RFX2: variants seen among roughly 807,000 people sequenced by gnomAD.
RFX2 encodes regulatory factor X2, also known as DNA-binding protein RFX2.
Under a neutral mutation model 87.8 loss-of-function variants are expected in RFX2, and 20 were observed. The observed-to-expected ratio is 0.23, with a 90% CI of 0.16 to 0.33. The LOEUF (loss-of-function observed/expected upper bound fraction) is 0.33, where lower values mean the gene tolerates loss of function less well. Among genes scored for constraint, RFX2 ranks in the 10% least tolerant of loss-of-function variants. The pLI, the probability that RFX2 is intolerant of heterozygous loss-of-function variation, is 1.00. For missense variants in RFX2, 767 were observed against 1,012.3 expected, an observed-to-expected ratio of 0.76 and a Z score of 3.29; for synonymous variants, 397 against 431.3, an observed-to-expected ratio of 0.92 and a Z score of 0.98.
intron 5 of RFX2, among the ~76,000 whole-genome samples, chr19:6,028,447 T>C (rs921563920): frequency 4.6e-5 from 7 of 152,228 alleles, no homozygotes; most frequent in Non-Finnish European, 7.3e-5. Flanking sequence ...CTTGATACTA[T>C]AGCAACACTT....
chr19:6,058,085 C>T (rs752826272), intron 1 of RFX2, among the ~76,000 whole-genome samples: 4 of 152,200 alleles, frequency 2.6e-5, no homozygotes, highest in Non-Finnish European at 4.4e-5. Flanking sequence ...GTTCTCAGTG[C>T]CAAGAGTTAT....
At position 6,040,099 on chromosome 19, in the gene RFX2, T is replaced by C. The variant is rs2087086217; in HGVS notation, c.403A>G (p.Ile135Val). 3.7e-6 allele frequency: 6 copies of C among 1,611,818 alleles called. No homozygotes were observed. In the African/African-American group the frequency reaches 5.3e-5, roughly 14 times the overall value. The change falls in exon 5 of 18, where the codon ATC becomes GTC. Residue 135 changes from isoleucine to valine, a missense_variant. Physicochemically the swap from Ile to Val is conservative, Grantham distance 29 (BLOSUM62 3). Transcript: ENST00000303657. The surrounding 1 kb of genome is among the most constrained non-coding windows in gnomAD (Gnocchi z 6.1). ...GGGCTCCCCCCGACATCCATGGTGA[T>C]GCCCACCATGCTGTGGGAGGGGACC... ...PAVPSHSMVG[I>V]TMDVGGSPIV...
Position 5,997,308 on chromosome 19 carries a change from A to G in RFX2, c.1860-95T>C. The stretch of plus-strand genomic sequence containing the variant: ...ATGGCAGCAACACACCCCCTGCTCT[A>G]CGTTCCCTGGGGAACCCAGAGGCTG... On this transcript the variant is annotated intron_variant, in intron 15 of 17. Coordinates refer to ENST00000303657, the MANE Select transcript of RFX2 (RefSeq NM_000635.4). This position sits in a 1 kb window ranked among gnomAD's most constrained non-coding sequence, Gnocchi z 4.2. The G allele has an allele frequency of 7.4e-7, 1 of 1,348,676 alleles. No individual in the cohort carries two copies. Among genetic ancestry groups the G allele is most frequent in the Non-Finnish European group, 9.9e-7 (1 of 1,012,832 alleles). The allele number at this position is 1,348,676 out of a possible 1,614,324, so 83.5% of individuals were successfully genotyped here. A position where few individuals can be genotyped will look rare whatever the true frequency, so the allele number is the denominator to read the frequency against.
intron 5 of RFX2, among the ~76,000 whole-genome samples, chr19:6,028,389 A>G (rs956036267): frequency 1.3e-5 from 2 of 152,224 alleles, no homozygotes; most frequent in African/African-American, 4.8e-5. Context: ...ATAGTTGGAA[A>G]AGGAGCACTG....
At chr19:6,036,447 G>C (rs2087025191) in intron 5 of RFX2, among the ~76,000 whole-genome samples, 1 of 152,044 alleles carries the variant, frequency 6.6e-6, no homozygotes, top group Admixed American at 6.6e-5. Flanking sequence ...AAGATTCATG[G>C]GGCCTCTCTG....
intron 1 of RFX2, among the ~76,000 whole-genome samples, chr19:6,102,938 C>A (rs2088149859): frequency 6.6e-6 from 1 of 152,102 alleles, no homozygotes; most frequent in Admixed American, 6.5e-5. Flanking sequence ...TGCACTCCAG[C>A]CTGGACAAGA....
At chr19:6,030,744 T>C (rs1036204180) in intron 5 of RFX2, among the ~76,000 whole-genome samples, 1 of 152,238 alleles carries the variant, frequency 6.6e-6, no homozygotes, top group African/African-American at 2.4e-5. Context: ...GTGAATTTTA[T>C]GTTACATACA....
chr19:6,050,477 T>C lies in RFX2; in HGVS notation c.-8-2973A>G, dbSNP rs989464062. Among the ~76,000 whole-genome samples the C allele has an allele frequency of 3.9e-5, 6 of 152,268 alleles. No homozygotes were observed. Among genetic ancestry groups the C allele is most frequent in the Non-Finnish European group, 7.4e-5 (5 of 68,022 alleles). On this transcript the variant is annotated intron_variant, in intron 1 of 17. Coordinates refer to ENST00000303657, the MANE Select transcript of RFX2 (RefSeq NM_000635.4). This position sits in a 1 kb window ranked among gnomAD's most constrained non-coding sequence, Gnocchi z 4.6. Reference sequence around the variant, plus strand: ...AAGAACTTAAAGGAAGTTATATACATAATGAATGAACATATGGGAATCTCA... The same window carrying C: ...AAGAACTTAAAGGAAGTTATATACACAATGAATGAACATATGGGAATCTCA...
chr19:6,036,716 G>A (rs2087030523), intron 5 of RFX2, among the ~76,000 whole-genome samples: 1 of 152,096 alleles, frequency 6.6e-6, no homozygotes, highest in South Asian at 2.1e-4. Context: ...CAGAAAACTA[G>A]AAAAAGAAGG....
chr19:6,022,598 T>C lies in RFX2; in HGVS notation c.597+3565A>G, dbSNP rs2086830974. On this transcript the variant is annotated intron_variant, in intron 6 of 17. Transcript: ENST00000303657. This position sits in a 1 kb window ranked among gnomAD's most constrained non-coding sequence, Gnocchi z 6.2. ...CAAGTCGGTGGCCTGCCACACCCGG[T>C]CGGGTGAAGACATGTTTCATCCCCA... Among the ~76,000 whole-genome samples the C allele has an allele frequency of 6.6e-6, 1 of 152,160 alleles. No individual in the cohort carries two copies. The highest frequency in any genetic ancestry group is 2.4e-5 in the African/African-American group (1 of 41,416).
At chr19:6,055,369 A>C (rs2087322246) in intron 1 of RFX2, among the ~76,000 whole-genome samples, 2 of 152,242 alleles carry the variant, frequency 1.3e-5, no homozygotes, top group Admixed American at 1.3e-4. Flanking sequence ...ATGAAGACAT[A>C]TCTCTTCAAA....
rs144059747 is a variant in RFX2, at chr19:6,020,764, G to A, written c.598-4493C>T. Among the ~76,000 whole-genome samples, 217 of 152,346 alleles carry A rather than the reference G, an allele frequency of 1.4e-3. 3 individuals carry two copies. The East Asian group carries it at 0.035, about 24-fold the overall frequency. On this transcript the variant is annotated intron_variant, in intron 6 of 17. Coordinates refer to ENST00000303657, the MANE Select transcript of RFX2 (RefSeq NM_000635.4). The surrounding 1 kb of genome is among the most constrained non-coding windows in gnomAD (Gnocchi z 5.3). ...CACCTTTCTGGTTTGGGCATGTTCT[G>A]CAGTCTGCTTTGTCTGCTGATATTT...
Position 6,021,516 on chromosome 19 carries a change from T to C in RFX2, c.597+4647A>G, listed in dbSNP as rs1477153876. 6.7e-6 allele frequency among the ~76,000 whole-genome samples: 1 copy of C among 150,374 alleles called. No homozygotes were observed. The highest frequency in any genetic ancestry group is 2.5e-5 in the African/African-American group (1 of 40,718). ...AACGGTATAGTAAGTTGAGGTGGGGTGGGGGTGTCAGGCAGGGCTCACTGA... is the reference window on the plus strand; with the variant it reads ...AACGGTATAGTAAGTTGAGGTGGGGCGGGGGTGTCAGGCAGGGCTCACTGA... On this transcript the variant is annotated intron_variant, in intron 6 of 17. Transcript: ENST00000303657. This position sits in a 1 kb window ranked among gnomAD's most constrained non-coding sequence, Gnocchi z 5.7.
intron 3 of RFX2, among the ~76,000 whole-genome samples, chr19:6,042,947 C>A (rs1040853846): frequency 6.6e-6 from 1 of 152,172 alleles, no homozygotes; most frequent in African/African-American, 2.4e-5. Flanking sequence ...TGGGCTTGTT[C>A]GGGTGTCATG....
Position 6,047,606 on chromosome 19 carries a change from A to C in RFX2, c.-8-102T>G. 1 of 931,936 alleles carries C rather than the reference A, an allele frequency of 1.1e-6. No individual in the cohort carries two copies. The highest frequency in any genetic ancestry group is 2.9e-4 in the Middle Eastern group (1 of 3,502). 57.7% of individuals were successfully genotyped at this position (931,936 alleles called of 1,614,324 possible). A position where few individuals can be genotyped will look rare whatever the true frequency, so the allele number is the denominator to read the frequency against. ...AGGGAGGGAAGGAGTAACCAGCTAC[A>C]TTCTTCAAAGTCGAAAGGCAGAGAC... On this transcript the variant is annotated intron_variant, in intron 1 of 17. Coordinates refer to ENST00000303657, the MANE Select transcript of RFX2 (RefSeq NM_000635.4). The surrounding 1 kb of genome is among the most constrained non-coding windows in gnomAD (Gnocchi z 4.2).
intron 1 of RFX2, among the ~76,000 whole-genome samples, chr19:6,096,688 C>T (rs1171410986): frequency 2.0e-5 from 3 of 152,158 alleles, no homozygotes; most frequent in East Asian, 1.9e-4. Flanking sequence ...CCTCGTGATC[C>T]GCCCACCTTG....
At chr19:6,036,276 G>A (rs757864661) in intron 5 of RFX2, among the ~76,000 whole-genome samples, 1 of 152,208 alleles carries the variant, frequency 6.6e-6, no homozygotes, top group South Asian at 2.1e-4. Flanking sequence ...GAGGCACTAA[G>A]TGGCTAGGGG....
Position 5,995,487 on chromosome 19 carries a change from C to G in RFX2, c.2056+114G>C, listed in dbSNP as rs968365009. 28 of 1,097,900 alleles carry G rather than the reference C, an allele frequency of 2.6e-5. 1 individual carries two copies. The Admixed American group carries it at 3.0e-4, about 12-fold the overall frequency. 68.0% of individuals were successfully genotyped at this position (1,097,900 alleles called of 1,614,324 possible). ...TGACAGATCCCAGGGCCCTCACCCCCCAAGGGGCTGCCCGCATTTCCACCT... is the reference window on the plus strand; with the variant it reads ...TGACAGATCCCAGGGCCCTCACCCCGCAAGGGGCTGCCCGCATTTCCACCT... On this transcript the variant is annotated intron_variant, in intron 17 of 17. Coordinates refer to ENST00000303657, the MANE Select transcript of RFX2 (RefSeq NM_000635.4).
intron 13 of RFX2, among the ~76,000 whole-genome samples, chr19:6,003,139 TTC>T (rs1277435610): frequency 6.6e-6 from 1 of 152,182 alleles, no homozygotes; most frequent in Admixed American, 6.5e-5. Flanking sequence ...CCATGCCCAC[TTC>T]TAGAGTCCCT....
Sources: gnomAD v4.1 joint callset for allele counts (sites outside exome capture counted in the v4.1 genomes callset) on GRCh38, gnomAD v4.1.1 for gene constraint, Gnocchi (gnomAD v3.1) non-coding constraint, MANE v1.5 for transcripts, NCBI Gene and HGNC (gene_info 2026-07-23, HGNC 2026-07-21) for gene names.